RGS7: variants seen among roughly 807,000 people sequenced by gnomAD.
RGS7 encodes the protein regulator of G protein signaling 7.
Under a neutral mutation model 81.1 loss-of-function variants are expected in RGS7, and 27 were observed. The observed-to-expected ratio is 0.33, with a 90% confidence interval of 0.25 to 0.46. The LOEUF (loss-of-function observed/expected upper bound fraction) is 0.46. RGS7 is among the 20% of genes least tolerant of loss of function. The probability of loss-of-function intolerance (pLI) is 1.00; values close to 1 mark genes in which losing one functional copy is unlikely to be tolerated. For synonymous variants in RGS7, 208 were observed against 207.7 expected (o/e 1.00, Z -0.01); for missense variants, 396 against 607.4 (o/e 0.65, Z 3.66).
intron 9 of RGS7, among the ~76,000 whole-genome samples, chr1:240,854,516 G>A (rs1660720216): frequency 6.6e-6 from 1 of 152,172 alleles, no homozygotes; most frequent in African/African-American, 2.4e-5. Flanking sequence ...TAGTAGGGGA[G>A]AAGATCCAAG....
intron 6 of RGS7, among the ~76,000 whole-genome samples, chr1:240,928,084 G>A (rs1387769722): frequency 6.6e-6 from 1 of 152,142 alleles, no homozygotes; most frequent in African/African-American, 2.4e-5. Context: ...CCTTGATCTT[G>A]TTGCATACAT....
rs541174540 is a variant in RGS7, at chr1:240,830,526, A to G, written c.610-3354T>C. ...CTCTTCCAAACCAATCCTGGATAGCAGCAGAGAAAGGCCGAGAAAACTGAA... is the reference window on the plus strand; with the variant it reads ...CTCTTCCAAACCAATCCTGGATAGCGGCAGAGAAAGGCCGAGAAAACTGAA... On this transcript the variant is annotated intron_variant, in intron 9 of 18. Transcript: ENST00000440928. 2.0e-5 allele frequency among the ~76,000 whole-genome samples: 3 copies of G among 152,332 alleles called. No individual in the cohort carries two copies. The South Asian group carries it at 6.2e-4, about 32-fold the overall frequency.
At chr1:240,808,734 G>T (rs1053599733) in intron 14 of RGS7, among the ~76,000 whole-genome samples, 1 of 152,068 alleles carries the variant, frequency 6.6e-6, no homozygotes, top group African/African-American at 2.4e-5. Flanking sequence ...GAGGAGCCAG[G>T]TGCAATGGCT....
chr1:241,019,144 C>T (rs585873), intron 3 of RGS7, among the ~76,000 whole-genome samples: 3,147 of 152,194 alleles, frequency 0.021, 49 homozygotes, highest in Middle Eastern at 0.044. Context: ...GCTGGTCTGC[C>T]CTCAGTTTCC....
At chr1:241,156,047 A>G (rs12041617) in intron 2 of RGS7, among the ~76,000 whole-genome samples, 28,573 of 151,762 alleles carry the variant, frequency 0.19, 2,771 homozygotes, top group African/African-American at 0.22. Context: ...TCTAGGTTCT[A>G]TAATATTAGA....
chr1:241,225,139 C>A (rs1472404308), intron 2 of RGS7, among the ~76,000 whole-genome samples: 1 of 152,124 alleles, frequency 6.6e-6, no homozygotes, highest in South Asian at 2.1e-4. Context: ...TTTCTCATTC[C>A]TCATCCCCCT....
At chr1:240,901,940 C>T (rs1212875332) in intron 6 of RGS7, among the ~76,000 whole-genome samples, 3 of 152,212 alleles carry the variant, frequency 2.0e-5, no homozygotes, top group Non-Finnish European at 2.9e-5. Flanking sequence ...TTTTTAGCTA[C>T]CATTTCTTTG....
rs113855937 is a variant in RGS7 at position 240,978,777 on chromosome 1, A to G, written c.226+4302T>C. Among the ~76,000 whole-genome samples, 93 of 152,288 alleles carry G rather than the reference A, an allele frequency of 6.1e-4. 1 individual carries two copies. The highest frequency in any genetic ancestry group is 2.2e-3 in the African/African-American group (91 of 41,564). Reference sequence around the variant, plus strand: ...AAAATACCTACAATTGCCAATCAACATTTTCTGAACTATTATGTAAGAGAT... The same window carrying G: ...AAAATACCTACAATTGCCAATCAACGTTTTCTGAACTATTATGTAAGAGAT... On this transcript the variant is annotated intron_variant, in intron 4 of 18. Transcript: ENST00000440928.
At chr1:241,347,164 A>G (rs527667950) in intron 2 of RGS7, among the ~76,000 whole-genome samples, 76 of 152,306 alleles carry the variant, frequency 5.0e-4, no homozygotes, top group African/African-American at 1.8e-3. Flanking sequence ...TCTTCTACCA[A>G]TGAGTAAATG....
intron 2 of RGS7, among the ~76,000 whole-genome samples, chr1:241,182,125 T>A (rs2071671463): frequency 6.6e-6 from 1 of 152,112 alleles, no homozygotes; most frequent in Non-Finnish European, 1.5e-5. Flanking sequence ...GTTGGTCCCG[T>A]GCTAATTCTG....
At chr1:241,045,690 G>A (rs1279109236) in intron 3 of RGS7, among the ~76,000 whole-genome samples, 2 of 152,128 alleles carry the variant, frequency 1.3e-5, no homozygotes, top group African/African-American at 4.8e-5. Flanking sequence ...AACAGTGAAC[G>A]CTATTCTACG....
intron 4 of RGS7, among the ~76,000 whole-genome samples, chr1:240,976,285 A>T (rs921319227): frequency 1.3e-5 from 2 of 152,166 alleles, no homozygotes; most frequent in African/African-American, 4.8e-5. Context: ...ATAGCTAGGA[A>T]GGGGCTCTGC....
chr1:241,206,463 T>G (rs1457320278), intron 2 of RGS7, among the ~76,000 whole-genome samples: 1 of 152,120 alleles, frequency 6.6e-6, no homozygotes, highest in African/African-American at 2.4e-5. Context: ...GACCTCGTGA[T>G]CTGCCCACCT....
intron 4 of RGS7, among the ~76,000 whole-genome samples, chr1:240,954,474 C>G (rs1680032832): frequency 6.6e-6 from 1 of 151,784 alleles, no homozygotes; most frequent in African/African-American, 2.4e-5. Context: ...CACCATAGGA[C>G]AAGCTAAAGG....
At chr1:241,305,994 A>C (rs975911691) in intron 2 of RGS7, 1 of 154,124 alleles carries the variant, frequency 6.5e-6, no homozygotes, top group Non-Finnish European at 1.4e-5. Context: ...GAGAGTAGCC[A>C]GTAGACATGA....
In RGS7 at chr1:241,144,335, C is replaced by T. The variant is rs143185655; in HGVS notation, c.79-45573G>A. Among the ~76,000 whole-genome samples, 18 of 152,270 alleles carry T rather than the reference C, an allele frequency of 1.2e-4. No individual in the cohort carries two copies. The highest frequency in any genetic ancestry group is 5.8e-4 in the East Asian group (3 of 5,168). On this transcript the variant is annotated intron_variant, in intron 2 of 18. Transcript: ENST00000440928. The surrounding 1 kb of genome is among the most constrained non-coding windows in gnomAD (Gnocchi z 4.7). ...CATCCATCACACACACATGTGGATA[C>T]GCACAGGCACACACATCCAAATACA...
intron 2 of RGS7, among the ~76,000 whole-genome samples, chr1:241,351,233 A>G (rs567173687): frequency 5.9e-5 from 9 of 152,214 alleles, no homozygotes; most frequent in African/African-American, 2.2e-4. Flanking sequence ...ACCCTGGGCA[A>G]CATAGTGAGA....
intron 10 of RGS7, among the ~76,000 whole-genome samples, chr1:240,825,415 C>T (rs1376517204): frequency 6.6e-6 from 1 of 152,204 alleles, no homozygotes; most frequent in Non-Finnish European, 1.5e-5. Context: ...AAATTGAACA[C>T]TTCTGACTGT....
chr1:241,260,443 C>G (rs553785650), intron 2 of RGS7, among the ~76,000 whole-genome samples: 59 of 152,274 alleles, frequency 3.9e-4, no homozygotes, highest in Non-Finnish European at 7.8e-4. Context: ...CCATACCTGT[C>G]TTCAAACTGG....
Sources: allele counts gnomAD v4.1 joint callset (sites outside exome capture counted in the v4.1 genomes callset), GRCh38; gene constraint gnomAD v4.1.1; non-coding constraint Gnocchi (gnomAD v3.1); transcripts MANE v1.5; gene names NCBI Gene and HGNC (gene_info 2026-07-23, HGNC 2026-07-21).